Variants in PPP4R2 observed in about 807,000 individuals in gnomAD.
PPP4R2 encodes the protein protein phosphatase 4 regulatory subunit 2.
Under a neutral mutation model 47.2 loss-of-function variants are expected in PPP4R2, and 13 were observed. That is an observed-to-expected ratio of 0.28 (90% CI 0.18 to 0.44). The LOEUF (loss-of-function observed/expected upper bound fraction) is 0.44, where lower values mean the gene tolerates loss of function less well. Ranked by LOEUF, PPP4R2 falls within the 20% of genes least tolerant of loss-of-function variation. The pLI, the probability that PPP4R2 is intolerant of heterozygous loss-of-function variation, is 1.00. For missense variants in PPP4R2, 421 were observed against 491.2 expected (o/e 0.86, Z 1.35); for synonymous variants, 151 against 163.3 (o/e 0.92, Z 0.57).
At chr3:73,016,742 A>ATT (rs766495587) in intron 2 of PPP4R2, among the ~76,000 whole-genome samples, 1 of 93,040 alleles carries the variant, frequency 1.1e-5, no homozygotes, top group East Asian at 3.4e-4. Flanking sequence ...TATTTTTATT[A>ATT]TTTTTTTTTT....
intron 2 of PPP4R2, among the ~76,000 whole-genome samples, chr3:73,033,104 T>A (rs1702200463): frequency 6.6e-6 from 1 of 152,212 alleles, no homozygotes; most frequent in Non-Finnish European, 1.5e-5. Context: ...CATATCATGC[T>A]CTTTCTTGGT....
At chr3:73,000,090 A>G (rs1197140617) in intron 2 of PPP4R2, among the ~76,000 whole-genome samples, 6 of 152,184 alleles carry the variant, frequency 3.9e-5, no homozygotes, top group African/African-American at 1.4e-4. Flanking sequence ...TGGATTGCTT[A>G]AGATAAGCAT....
intron 2 of PPP4R2, among the ~76,000 whole-genome samples, chr3:73,043,296 C>A (rs1238866763): frequency 9.6e-6 from 1 of 104,414 alleles, no homozygotes; most frequent in Non-Finnish European, 2.0e-5. Context: ...ATCAAAAATT[C>A]TGTGAAATTA....
intron 6 of PPP4R2, 83 bp from the exon 7 acceptor site, chr3:73,063,920 C>A: frequency 7.8e-7 from 1 of 1,287,416 alleles, no homozygotes; most frequent in Non-Finnish European, 1.1e-6. Flanking sequence ...GCAAATACTT[C>A]TGTGATGTAT....
chr3:73,045,524 T>TG (rs1702463905), intron 2 of PPP4R2, among the ~76,000 whole-genome samples: 1 of 107,124 alleles, frequency 9.3e-6, no homozygotes, highest in Non-Finnish European at 1.9e-5. Context: ...CACATTCTCC[T>TG]AATTTTTTTT....
At chr3:73,036,163 A>G (rs543219927) in intron 2 of PPP4R2, among the ~76,000 whole-genome samples, 2 of 152,288 alleles carry the variant, frequency 1.3e-5, no homozygotes, top group East Asian at 1.9e-4. Flanking sequence ...CAAATATCAC[A>G]TGTTCTCATG....
chr3:72,998,087 G>A lies in PPP4R2; in HGVS notation c.45G>A (p.Lys15=). 1.2e-6 allele frequency: 2 copies of A among 1,601,820 alleles called. No individual in the cohort carries two copies. The highest frequency in any genetic ancestry group is 1.7e-4 in the Middle Eastern group (1 of 5,928). Residue 15 remains lysine (K), a synonymous_variant, in exon 2 of 9, where the codon AAG becomes AAA. Coordinates refer to ENST00000356692, the MANE Select transcript of PPP4R2 (RefSeq NM_174907.4). ...RLQEALKDFE[K]RGKKEVCPVL... ...TCTTCCTTCATCTAGATTTTGAGAAGAGGGGGAAAAAGGAAGTTTGTCCTG... is the reference window on the plus strand; with the variant it reads ...TCTTCCTTCATCTAGATTTTGAGAAAAGGGGGAAAAAGGAAGTTTGTCCTG...
At chr3:73,012,852 A>G (rs1342010773) in intron 2 of PPP4R2, among the ~76,000 whole-genome samples, 1 of 150,166 alleles carries the variant, frequency 6.7e-6, no homozygotes, top group Non-Finnish European at 1.5e-5. Flanking sequence ...TTTGCATACT[A>G]GAGTGTGTCT....
At chr3:72,998,683 T>C (rs1701401694) in intron 2 of PPP4R2, among the ~76,000 whole-genome samples, 1 of 152,238 alleles carries the variant, frequency 6.6e-6, no homozygotes, top group South Asian at 2.1e-4. Context: ...CTTGTAGACT[T>C]TCTAAGATAG....
chr3:73,035,617 T>C (rs983845158), intron 2 of PPP4R2, among the ~76,000 whole-genome samples: 6 of 152,102 alleles, frequency 3.9e-5, no homozygotes, highest in Non-Finnish European at 8.8e-5. Context: ...AAGAGATACC[T>C]GCACTTTCTT....
intron 2 of PPP4R2, among the ~76,000 whole-genome samples, chr3:73,031,071 A>G (rs1333386530): frequency 6.6e-6 from 1 of 152,176 alleles, no homozygotes; most frequent in Non-Finnish European, 1.5e-5. Flanking sequence ...GAGGGACAGT[A>G]AAAAGGTAAT....
intron 5 of PPP4R2, chr3:73,062,810 C>T: frequency 6.2e-7 from 1 of 1,613,956 alleles, no homozygotes; most frequent in Non-Finnish European, 8.5e-7. Flanking sequence ...TAGGTTGGAT[C>T]AGCTCAAGAC....
intron 2 of PPP4R2, among the ~76,000 whole-genome samples, chr3:73,006,470 G>A (rs1167296544): frequency 2.6e-5 from 4 of 152,100 alleles, no homozygotes; most frequent in Non-Finnish European, 4.4e-5. Flanking sequence ...GATTACAGGC[G>A]TGAGCCACCA....
At chr3:73,056,453 C>A (rs1022178882) in intron 3 of PPP4R2, among the ~76,000 whole-genome samples, 1 of 152,112 alleles carries the variant, frequency 6.6e-6, no homozygotes, top group African/African-American at 2.4e-5. Flanking sequence ...AATGCTGTTA[C>A]GTTCATTTAT....
chr3:73,002,390 T>TA (rs1701486144), intron 2 of PPP4R2, among the ~76,000 whole-genome samples: 1 of 152,036 alleles, frequency 6.6e-6, no homozygotes, highest in South Asian at 2.1e-4. Context: ...AGCTAGGACT[T>TA]ACAGATAGGG....
At chr3:72,999,446 A>G (rs550495397) in intron 2 of PPP4R2, among the ~76,000 whole-genome samples, 2 of 152,356 alleles carry the variant, frequency 1.3e-5, no homozygotes, top group East Asian at 3.9e-4. Flanking sequence ...TAGTCGGCAC[A>G]GACTTAGCCC....
intron 2 of PPP4R2, among the ~76,000 whole-genome samples, chr3:73,011,584 A>G (rs1039448415): frequency 3.9e-5 from 6 of 152,144 alleles, no homozygotes; most frequent in East Asian, 3.8e-4. Context: ...GCTTGACCTC[A>G]TGTACTGTGG....
chr3:73,048,373 C>G (rs1377033618), intron 3 of PPP4R2, among the ~76,000 whole-genome samples: 5 of 152,142 alleles, frequency 3.3e-5, no homozygotes, highest in African/African-American at 1.2e-4. Context: ...CCTCAGCCCC[C>G]CGGGTAGCTA....
chr3:72,997,431 T>G (rs1575830673), intron 1 of PPP4R2: 5 of 189,492 alleles, frequency 2.6e-5, no homozygotes, highest in African/African-American at 7.7e-5. Flanking sequence ...GGCGTTGGGG[T>G]GGGAGAAAAA....
Sources: gnomAD v4.1 joint callset for allele counts (sites outside exome capture counted in the v4.1 genomes callset) on GRCh38, gnomAD v4.1.1 for gene constraint, MANE v1.5 for transcripts, NCBI Gene and HGNC (gene_info 2026-07-23, HGNC 2026-07-21) for gene names.